The following VPS35L variants were observed in gnomAD, a reference collection of about 807,000 sequenced individuals.
The protein encoded by VPS35L is VPS35 endosomal protein sorting factor like.
In VPS35L, 83 loss-of-function variants were observed where a neutral mutation model predicts 133.0. That is an observed-to-expected ratio of 0.62 (90% CI 0.52 to 0.75). VPS35L has a LOEUF of 0.75. VPS35L is among the 30% of genes least tolerant of loss of function. The pLI is 0.00. For synonymous variants in VPS35L, 423 were observed against 449.9 expected (o/e 0.94, Z 0.76); for missense variants, 1,083 against 1,206.8 (o/e 0.90, Z 1.52).
chr16:19,666,828 A>G (rs1303156196), intron 26 of VPS35L, among the ~76,000 whole-genome samples: 1 of 152,124 alleles, frequency 6.6e-6, no homozygotes, highest in Admixed American at 6.5e-5. Context: ...CTGCTTAAAG[A>G]TAGGGCCTAG....
At chr16:19,590,556 A>G (rs1972012852) in intron 7 of VPS35L, among the ~76,000 whole-genome samples, 2 of 152,162 alleles carry the variant, frequency 1.3e-5, no homozygotes, top group Admixed American at 1.3e-4. Context: ...TTCTGATGAT[A>G]AAAGATAATC....
intron 12 of VPS35L, among the ~76,000 whole-genome samples, chr16:19,612,239 T>TTTTTGTTTTG (rs144188667): frequency 2.0e-5 from 3 of 149,176 alleles, no homozygotes; most frequent in South Asian, 2.3e-4. Context: ...ACCCGGCCTT[T>TTTTTGTTTTG]TTTTGTTTTG....
At chr16:19,643,971 A>G (rs1174577225) in intron 22 of VPS35L, among the ~76,000 whole-genome samples, 1 of 152,082 alleles carries the variant, frequency 6.6e-6, no homozygotes, top group Non-Finnish European at 1.5e-5. Flanking sequence ...AACAAAAACA[A>G]AAACAAAAAA....
chr16:19,666,251 A>G (rs1974660266), intron 26 of VPS35L, among the ~76,000 whole-genome samples: 1 of 152,078 alleles, frequency 6.6e-6, no homozygotes, highest in Non-Finnish European at 1.5e-5. Context: ...AGAGGGGACA[A>G]TATTCTTTAC....
chr16:19,609,773 A>G (rs1307348721), intron 11 of VPS35L, among the ~76,000 whole-genome samples: 2 of 152,164 alleles, frequency 1.3e-5, no homozygotes, highest in African/African-American at 4.8e-5. Flanking sequence ...GTTTGGGGGA[A>G]TAACATGGGG....
intron 2 of VPS35L, among the ~76,000 whole-genome samples, chr16:19,567,051 C>G (rs1283253670): frequency 6.6e-6 from 1 of 151,932 alleles, no homozygotes; most frequent in African/African-American, 2.4e-5. Context: ...TGTGCCCGGC[C>G]CAGTTGGCCC....
chr16:19,672,580 G>T lies in VPS35L; in HGVS notation c.2361+3281G>T, dbSNP rs538869100. Reference sequence around the variant, plus strand: ...TCCAAGTCTTCAGACAGAGGGGAGCGAGGTCAGGAGGCCAGGCTCAAGGAC... The same window carrying T: ...TCCAAGTCTTCAGACAGAGGGGAGCTAGGTCAGGAGGCCAGGCTCAAGGAC... On this transcript the variant is annotated intron_variant, in intron 27 of 30. Transcript: ENST00000417362. 1.1e-4 allele frequency among the ~76,000 whole-genome samples: 17 copies of T among 152,304 alleles called. No homozygotes were observed. In the South Asian group the frequency reaches 3.3e-3, roughly 30 times the overall value.
intron 1 of VPS35L, among the ~76,000 whole-genome samples, chr16:19,563,757 A>G (rs1474484284): frequency 4.6e-5 from 7 of 152,178 alleles, no homozygotes. Flanking sequence ...ATGCAGCTCA[A>G]TGGGCGAATA....
At chr16:19,681,264 G>A (rs548756133) in intron 27 of VPS35L, among the ~76,000 whole-genome samples, 97 of 152,350 alleles carry the variant, frequency 6.4e-4, no homozygotes, top group South Asian at 3.5e-3. Flanking sequence ...GGAGGAAAGC[G>A]AGGCTGGGGT....
intron 27 of VPS35L, among the ~76,000 whole-genome samples, chr16:19,674,000 G>A (rs1974964911): frequency 6.6e-6 from 1 of 151,944 alleles, no homozygotes; most frequent in South Asian, 2.1e-4. Context: ...CTCCTTGTGG[G>A]ACGCGGCATT....
Position 19,644,902 on chromosome 16 carries a change from G to T in VPS35L, c.1882G>T (p.Asp628Tyr). 1 of 1,600,692 alleles carries T rather than the reference G, an allele frequency of 6.2e-7. No individual in the cohort carries two copies. ...HDSVNALTLEDEKRMLSYLIN... is the reference protein window; with the variant it reads ...HDSVNALTLEYEKRMLSYLIN... The stretch of plus-strand genomic sequence containing the variant: ...TGATTTTAGTGCACTCACTCTTGAG[G>T]ATGAGAAAAGAATGCTGTCATATTT... Residue 628 changes from aspartate to tyrosine, a missense_variant, in exon 23 of 31, where the codon GAT becomes TAT. Transcript: ENST00000417362.
In VPS35L at chr16:19,633,392, G is replaced by A. The variant is rs765998070; in HGVS notation, c.1635+220G>A. 1.4e-3 allele frequency among the ~76,000 whole-genome samples: 212 copies of A among 152,336 alleles called. No homozygotes were observed. Among genetic ancestry groups the A allele is most frequent in the Non-Finnish European group, 2.5e-3 (168 of 68,032 alleles). On this transcript the variant is annotated intron_variant, in intron 19 of 30. Transcript: ENST00000417362. This position sits in a 1 kb window ranked among gnomAD's most constrained non-coding sequence, Gnocchi z 4.1. ...GAGATAGTAATAGTGCTACCTGAGA[G>A]TTACTGTGAGGATGAAGTGAAGCCC...
chr16:19,651,986 C>T lies in VPS35L; in HGVS notation c.2117C>T (p.Ala706Val), dbSNP rs754125313. The change falls in exon 26 of 31, where the codon GCC becomes GTC. Residue 706 changes from alanine (A) to valine (V), a missense_variant. Ala to Val is a moderately conservative substitution (Grantham distance 64). Transcript: ENST00000417362. ...CTTCCCTTCTCCTAGGCCTGTGTTG[C>T]CTACTGCTTCATCACCATCCCCTCC... Reference protein sequence around the residue: ...KTAAFVRACVAYCFITIPSLA... With the variant: ...KTAAFVRACVVYCFITIPSLA... The T allele has an allele frequency of 8.1e-6, 13 of 1,607,750 alleles. No homozygotes were observed. Among genetic ancestry groups the T allele is most frequent in the Non-Finnish European group, 1.1e-5 (13 of 1,174,656 alleles).
intron 11 of VPS35L, 79 bp from the exon 12 acceptor site, chr16:19,610,243 C>T: frequency 8.0e-7 from 1 of 1,243,960 alleles, no homozygotes; most frequent in South Asian, 1.4e-5. Flanking sequence ...TTTAGGAAGT[C>T]TTTATCTTTA....
intron 22 of VPS35L, among the ~76,000 whole-genome samples, chr16:19,642,720 T>C (rs545849024): frequency 5.9e-5 from 9 of 152,324 alleles, no homozygotes; most frequent in African/African-American, 2.2e-4. Context: ...AAAAGCTGGT[T>C]CCATTCAAGT....
intron 2 of VPS35L, 110 bp downstream of exon 2, chr16:19,565,060 A>ATTTT: frequency 1.8e-6 from 1 of 562,942 alleles, no homozygotes; most frequent in Non-Finnish European, 2.9e-6. Flanking sequence ...TGCATATTTG[A>ATTTT]TTTTTTTTTT....
At chr16:19,672,088 G>A (rs1351918726) in intron 27 of VPS35L, among the ~76,000 whole-genome samples, 1 of 152,128 alleles carries the variant, frequency 6.6e-6, no homozygotes, top group African/African-American at 2.4e-5. Context: ...TGGGCCAACA[G>A]GCATGTGCCA....
At chr16:19,659,214 A>G (rs1974402488) in intron 26 of VPS35L, among the ~76,000 whole-genome samples, 1 of 152,136 alleles carries the variant, frequency 6.6e-6, no homozygotes, top group African/African-American at 2.4e-5. Context: ...ACAATACGCA[A>G]CCTCAAATGA....
At chr16:19,607,250 A>G (rs1451839842) in intron 9 of VPS35L, among the ~76,000 whole-genome samples, 1 of 152,236 alleles carries the variant, frequency 6.6e-6, no homozygotes, top group Non-Finnish European at 1.5e-5. Context: ...CCGATGGGCC[A>G]GCTAGCCCCT....
Sources: allele counts gnomAD v4.1 joint callset (sites outside exome capture counted in the v4.1 genomes callset), GRCh38; gene constraint gnomAD v4.1.1; non-coding constraint Gnocchi (gnomAD v3.1); transcripts MANE v1.5; gene names NCBI Gene and HGNC (gene_info 2026-07-23, HGNC 2026-07-21).